The following MAP3K20 variants were observed in gnomAD, a reference collection of about 807,000 sequenced individuals.
MAP3K20 encodes mitogen-activated protein kinase kinase kinase 20.
In MAP3K20, 40 loss-of-function variants were observed where a neutral mutation model predicts 85.7. The observed-to-expected ratio is 0.47, with a 90% CI of 0.36 to 0.61. The LOEUF is 0.61. Among genes scored for constraint, MAP3K20 ranks in the 20% least tolerant of loss-of-function variants. MAP3K20 has a pLI of 0.00. For synonymous variants in MAP3K20, 325 were observed against 327.7 expected, an observed-to-expected ratio of 0.99 and a Z score of 0.09; for missense variants, 817 against 961.7, an observed-to-expected ratio of 0.85 and a Z score of 1.99.
At position 173,088,331 on chromosome 2, in the gene MAP3K20, A is replaced by C. The variant is rs144142978; in HGVS notation, c.-34-2667A>C. Among the ~76,000 whole-genome samples the C allele has an allele frequency of 2.2e-3, 335 of 152,328 alleles. 1 individual carries two copies. The highest frequency in any genetic ancestry group is 7.8e-3 in the African/African-American group (324 of 41,570). On this transcript the variant is annotated intron_variant, in intron 1 of 19. Coordinates refer to ENST00000375213, the MANE Select transcript of MAP3K20 (RefSeq NM_016653.3). ...AAACACTGACTATTGACTTAACCAA[A>C]TGTTACAGTACGGTTGGAAGCTGGG...
At chr2:173,125,886 TCTC>T (rs747378224) in intron 2 of MAP3K20, among the ~76,000 whole-genome samples, 29 of 152,036 alleles carry the variant, frequency 1.9e-4, no homozygotes, top group Non-Finnish European at 3.2e-4. Context: ...ATGGTCTCGA[TCTC>T]CTGACCTCAT....
chr2:173,192,395 T>C (rs2106276702), intron 7 of MAP3K20, among the ~76,000 whole-genome samples: 1 of 152,340 alleles, frequency 6.6e-6, no homozygotes, highest in South Asian at 2.1e-4. Context: ...TTAATAAAGA[T>C]TAATTTTGTT....
chr2:173,258,600 A>G (rs1685212623), intron 16 of MAP3K20, 99 bp from the exon 17 acceptor site: 5 of 660,874 alleles, frequency 7.6e-6, no homozygotes, highest in Non-Finnish European at 1.3e-5. Flanking sequence ...CCACTCCAAT[A>G]ATACTTCATT....
chr2:173,104,469 T>A (rs1330208528), intron 2 of MAP3K20, among the ~76,000 whole-genome samples: 1 of 152,066 alleles, frequency 6.6e-6, no homozygotes. Context: ...ATGTGATGAA[T>A]ATACACAGTG....
At chr2:173,203,993 GC>G (rs1485775370) in intron 9 of MAP3K20, 123 bp downstream of exon 9, 49 of 837,726 alleles carry the variant, frequency 5.8e-5, no homozygotes, top group Non-Finnish European at 9.5e-5. Context: ...GCTCCTATGA[GC>G]CCCAGATTGA....
At chr2:173,118,959 A>G (rs1487416905) in intron 2 of MAP3K20, among the ~76,000 whole-genome samples, 1 of 152,252 alleles carries the variant, frequency 6.6e-6, no homozygotes, top group Non-Finnish European at 1.5e-5. Context: ...ATGCTTCAGT[A>G]TGAAAACAGT....
In MAP3K20 at chr2:173,258,802, T is replaced by TA; in HGVS notation, c.1466dup (p.Met490AspfsTer28). The stretch of plus-strand genomic sequence containing the variant: ...ACTAACCTACCTGATGCGGAGATTT[T>TA]AAAGATGACAAAGGTAGGGTTCTAT... On this transcript the variant is annotated frameshift_variant, in exon 17 of 20. Coordinates refer to ENST00000375213, the MANE Select transcript of MAP3K20 (RefSeq NM_016653.3). LOFTEE classifies it high-confidence loss of function. 1.2e-6 allele frequency: 2 copies of TA among 1,602,632 alleles called. No homozygotes were observed. The highest frequency in any genetic ancestry group is 1.7e-6 in the Non-Finnish European group (2 of 1,170,334).
At chr2:173,118,966 C>T (rs181838029) in intron 2 of MAP3K20, among the ~76,000 whole-genome samples, 10 of 152,262 alleles carry the variant, frequency 6.6e-5, no homozygotes, top group East Asian at 5.8e-4. Context: ...AGTATGAAAA[C>T]AGTAGATTGT....
chr2:173,234,299 T>A, intron 14 of MAP3K20, among the ~76,000 whole-genome samples: 1 of 152,176 alleles, frequency 6.6e-6, no homozygotes, highest in East Asian at 1.9e-4. Flanking sequence ...ACCCCTTTCA[T>A]GCTGAGCGGT....
chr2:173,127,129 T>TTC (rs1688467427), intron 2 of MAP3K20, among the ~76,000 whole-genome samples: 1 of 152,182 alleles, frequency 6.6e-6, no homozygotes, highest in African/African-American at 2.4e-5. Flanking sequence ...AAATTTCCAT[T>TTC]GAAGGAGACC....
Position 173,169,968 on chromosome 2 carries a change from A to G in MAP3K20, c.247+76A>G. On this transcript the variant is annotated intron_variant, in intron 3 of 19. Transcript: ENST00000375213. The stretch of plus-strand genomic sequence containing the variant: ...ATTCCTTAATATGCTAAAATGCTTA[A>G]TATTAGGCTCAGTTATGAATTGTGT... 4 of 1,338,338 alleles carry G rather than the reference A, an allele frequency of 3.0e-6. No individual in the cohort carries two copies. In the Admixed American group the frequency reaches 7.1e-5, roughly 24 times the overall value. 82.9% of individuals were successfully genotyped at this position (1,338,338 alleles called of 1,614,324 possible). A position where few individuals can be genotyped will look rare whatever the true frequency, so the allele number is the denominator to read the frequency against.
intron 2 of MAP3K20, among the ~76,000 whole-genome samples, chr2:173,099,376 C>T (rs1687564938): frequency 6.7e-6 from 1 of 148,408 alleles, no homozygotes; most frequent in African/African-American, 2.5e-5. Context: ...GTCCCCCAGG[C>T]TGGAATATAG....
upstream of MAP3K20, chr2:173,075,720 C>T (rs1686826962): frequency 1.0e-6 from 1 of 985,270 alleles, no homozygotes; most frequent in South Asian, 4.7e-5. Context: ...GGATGGTGCC[C>T]CCCGGGCGCA....
chr2:173,151,265 A>G (rs1689299669), intron 2 of MAP3K20, among the ~76,000 whole-genome samples: 1 of 152,214 alleles, frequency 6.6e-6, no homozygotes, highest in Admixed American at 6.5e-5. Flanking sequence ...CTGGCTACAT[A>G]TTAGACTCAC....
At chr2:173,152,950 A>C (rs1176891657) in intron 2 of MAP3K20, among the ~76,000 whole-genome samples, 2 of 152,208 alleles carry the variant, frequency 1.3e-5, no homozygotes, top group African/African-American at 2.4e-5. Context: ...ATTTAATCTT[A>C]AGAGTTCAGA....
intron 2 of MAP3K20, among the ~76,000 whole-genome samples, chr2:173,164,684 TGA>T (rs1689763525): frequency 6.6e-6 from 1 of 152,222 alleles, no homozygotes; most frequent in South Asian, 2.1e-4. Context: ...AGTTTTGAAT[TGA>T]AGGAAAAGAG....
intron 16 of MAP3K20, among the ~76,000 whole-genome samples, chr2:173,252,534 G>A (rs1173428161): frequency 2.0e-5 from 3 of 152,020 alleles, no homozygotes; most frequent in East Asian, 3.8e-4. Flanking sequence ...CATTCCCCTC[G>A]CCCCAACAAA....
chr2:173,248,418 A>T (rs1373614555), intron 16 of MAP3K20, among the ~76,000 whole-genome samples: 1 of 152,238 alleles, frequency 6.6e-6, no homozygotes, highest in East Asian at 1.9e-4. Flanking sequence ...GTGGTTTTTT[A>T]AAAATGAGAA....
At chr2:173,170,133 C>T (rs930766313) in intron 3 of MAP3K20, among the ~76,000 whole-genome samples, 7 of 152,136 alleles carry the variant, frequency 4.6e-5, no homozygotes, top group African/African-American at 7.2e-5. Context: ...TAAATGCACT[C>T]GCAGCTGCAA....
Sources: gnomAD v4.1 joint callset for allele counts (sites outside exome capture counted in the v4.1 genomes callset) on GRCh38, gnomAD v4.1.1 for gene constraint, MANE v1.5 for transcripts, NCBI Gene and HGNC (gene_info 2026-07-23, HGNC 2026-07-21) for gene names.